The following MCOLN1 variants were observed in gnomAD, a reference collection of about 807,000 sequenced individuals.
The protein encoded by MCOLN1 is mucolipin-1.
Under a neutral mutation model 70.3 loss-of-function variants are expected in MCOLN1, and 50 were observed. That is an observed-to-expected ratio of 0.71 (90% CI 0.57 to 0.90). MCOLN1 has a LOEUF of 0.90. MCOLN1 is among the 40% of genes least tolerant of loss of function. The pLI, the probability that MCOLN1 is intolerant of heterozygous loss-of-function variation, is 0.00. For missense variants in MCOLN1, 598 were observed against 803.5 expected (o/e 0.74, Z 3.09); for synonymous variants, 366 against 341.0 (o/e 1.07, Z -0.81).
rs73488492 is a variant in MCOLN1 at position 7,526,619 on chromosome 19, G to A, written c.405+13G>A. The A allele has an allele frequency of 0.015, 24,194 of 1,610,600 alleles. 359 individuals carry two copies. Among genetic ancestry groups the A allele is most frequent in the East Asian group, 0.031 (1,396 of 44,844 alleles). ...TGCTGTGGACCAGGTGCTGGTGGGC[G>A]GGCAGGTGCTGGTGGGCAGGCAGGT... On this transcript the variant is annotated intron_variant, in intron 3 of 13. Transcript: ENST00000264079. This position sits in a 1 kb window ranked among gnomAD's most constrained non-coding sequence, Gnocchi z 4.6.
Position 7,527,551 on chromosome 19 carries a change from C to T in MCOLN1, c.603C>T (p.Pro201=), listed in dbSNP as rs2146023479. The change falls in exon 5 of 14, where the codon CCC becomes CCT. Residue 201 remains proline (P), a synonymous_variant. Coordinates refer to ENST00000264079, the MANE Select transcript of MCOLN1 (RefSeq NM_020533.3). ...TCCAGGTGGATCCCCCCGAGCGGCC[C>T]CCTCCGCCCCCCAGCGACGATCTCA... is the stretch of plus-strand genomic sequence containing the variant. ...DCIQVDPPER[P]PPPPSDDLTL... The T allele has an allele frequency of 6.2e-7, 1 of 1,606,302 alleles. No individual in the cohort carries two copies. Among genetic ancestry groups the T allele is most frequent in the Non-Finnish European group, 8.5e-7 (1 of 1,172,780 alleles).
At chr19:7,532,663 C>T (rs776547389) in intron 12 of MCOLN1, among the ~76,000 whole-genome samples, 9 of 152,048 alleles carry the variant, frequency 5.9e-5, no homozygotes, top group Non-Finnish European at 1.2e-4. Flanking sequence ...TGCAGTGAGC[C>T]GAGATCAAGC....
rs894157202 is a variant in MCOLN1, at chr19:7,528,802, C to T, written c.985-19C>T. 1 of 1,614,176 alleles carries T rather than the reference C, an allele frequency of 6.2e-7. No homozygotes were observed. The highest frequency in any genetic ancestry group is 2.2e-5 in the East Asian group (1 of 44,886). ...GGTCCTGTGCCTGGTCAGGCCCTCA[C>T]CCCGCCTGCCTTCTGCAGGAGTTTG... On this transcript the variant is annotated intron_variant, in intron 8 of 13. Transcript: ENST00000264079. The surrounding 1 kb of genome is among the most constrained non-coding windows in gnomAD (Gnocchi z 4.2).
At chr19:7,527,791 C>T in intron 5 of MCOLN1, 73 bp from the exon 6 acceptor site, 1 of 1,300,132 alleles carries the variant, frequency 7.7e-7, no homozygotes, top group Non-Finnish European at 1.1e-6. Context: ...CAGCACGTGG[C>T]AGGGGACGCT....
Position 7,533,952 on chromosome 19 carries a change from G to C in MCOLN1, c.*157G>C. Reference sequence around the variant, plus strand: ...CGTGTCGGACCCTTGGGGGCGGGGAGACTGGGTGGGGAGGGTGTTGAATAA... The same window carrying C: ...CGTGTCGGACCCTTGGGGGCGGGGACACTGGGTGGGGAGGGTGTTGAATAA... On this transcript the variant is annotated 3_prime_UTR_variant, in exon 14 of 14. Transcript: ENST00000264079. The C allele has an allele frequency of 1.3e-6, 1 of 799,556 alleles. No homozygotes were observed. The highest frequency in any genetic ancestry group is 2.1e-6 in the Non-Finnish European group (1 of 474,756). 49.5% of individuals were successfully genotyped at this position (799,556 alleles called of 1,614,324 possible). A position where few individuals can be genotyped will look rare whatever the true frequency, so the allele number is the denominator to read the frequency against.
chr19:7,529,810 C>T (rs1258528729), intron 11 of MCOLN1, 98 bp downstream of exon 11: 8 of 1,432,500 alleles, frequency 5.6e-6, no homozygotes, highest in East Asian at 4.6e-5. Context: ...GGGAGTCTGT[C>T]CACTGTCCCC....
chr19:7,533,728 G>A, intron 13 of MCOLN1, 31 bp from the exon 14 acceptor site: 1 of 1,614,194 alleles, frequency 6.2e-7, no homozygotes, highest in Non-Finnish European at 8.5e-7. Context: ...AGAGAAAACT[G>A]ACGCCCCTCT....
At position 7,528,507 on chromosome 19, in the gene MCOLN1, C is replaced by A; in HGVS notation, c.878-90C>A. 6.4e-7 allele frequency: 1 copy of A among 1,550,854 alleles called. No homozygotes were observed. Among genetic ancestry groups the A allele is most frequent in the Non-Finnish European group, 8.8e-7 (1 of 1,135,652 alleles). On this transcript the variant is annotated intron_variant, in intron 7 of 13. Transcript: ENST00000264079. The surrounding 1 kb of genome is among the most constrained non-coding windows in gnomAD (Gnocchi z 4.2). Reference sequence around the variant, plus strand: ...GACCAACCAAAACCAGCCGTGCAGCCCCCTAGGTCTCCAGCCTGGCCTGGC... The same window carrying A: ...GACCAACCAAAACCAGCCGTGCAGCACCCTAGGTCTCCAGCCTGGCCTGGC...
At position 7,528,672 on chromosome 19, in the gene MCOLN1, G is replaced by A. The variant is rs765405116; in HGVS notation, c.953G>A (p.Arg318His). ...TCSLSFLLCA[R>H]SLLRGFLLQN... ...TCCCTGTCCTTCCTCCTCTGCGCCC[G>A]CTCACTCCTTCGAGGCTTCCTGCTG... is the stretch of plus-strand genomic sequence containing the variant. Residue 318 changes from arginine to histidine, a missense_variant, in exon 8 of 14, where the codon CGC (arginine) becomes CAC (histidine). Physicochemically the swap from Arg to His is conservative, Grantham distance 29. This residue lies in a region of MCOLN1 where 461 missense variants were observed against 588.4 expected (regional missense o/e 0.78). Transcript: ENST00000264079. The surrounding 1 kb of genome is among the most constrained non-coding windows in gnomAD (Gnocchi z 4.2). 3 of 1,614,184 alleles carry A rather than the reference G, an allele frequency of 1.9e-6. No individual in the cohort carries two copies. The highest frequency in any genetic ancestry group is 2.5e-6 in the Non-Finnish European group (3 of 1,180,016).
Position 7,530,383 on chromosome 19 carries a change from G to A in MCOLN1, c.1457G>A (p.Arg486His), listed in dbSNP as rs548106839. 29 of 1,613,840 alleles carry A rather than the reference G, an allele frequency of 1.8e-5. No homozygotes were observed. In the African/African-American group the frequency reaches 1.9e-4, roughly 10 times the overall value. ...TFAAMQAQQGRSSLVWLFSQL... is the reference protein window; with the variant it reads ...TFAAMQAQQGHSSLVWLFSQL... ...GCCGCCATGCAGGCGCAGCAGGGCC[G>A]CAGCAGCCTGGTGTGGCTCTTCTCC... Residue 486 changes from arginine (R) to histidine (H), a missense_variant, in exon 12 of 14, where the codon CGC becomes CAC. Coordinates refer to ENST00000264079, the MANE Select transcript of MCOLN1 (RefSeq NM_020533.3).
Position 7,526,106 on chromosome 19 carries a change from A to G in MCOLN1, c.238-333A>G, listed in dbSNP as rs1010649304. 2.5e-6 allele frequency: 1 copy of G among 404,580 alleles called. No individual in the cohort carries two copies. Among genetic ancestry groups the G allele is most frequent in the Non-Finnish European group, 4.7e-6 (1 of 214,298 alleles). 25.1% of individuals were successfully genotyped at this position (404,580 alleles called of 1,614,324 possible). A position where few individuals can be genotyped will look rare whatever the true frequency, so the allele number is the denominator to read the frequency against. On this transcript the variant is annotated intron_variant, in intron 2 of 13. Transcript: ENST00000264079. This position sits in a 1 kb window ranked among gnomAD's most constrained non-coding sequence, Gnocchi z 4.6. ...ACCCAGTCATGGTACTTACCCTGAAAGTTTGGGTTTAACACAGAATCGGAC... is the reference window on the plus strand; with the variant it reads ...ACCCAGTCATGGTACTTACCCTGAAGGTTTGGGTTTAACACAGAATCGGAC...
intron 9 of MCOLN1, 62 bp from the exon 10 acceptor site, chr19:7,529,039 C>T: frequency 6.2e-7 from 1 of 1,613,240 alleles, no homozygotes; most frequent in Non-Finnish European, 8.5e-7. Context: ...GGGCCATATC[C>T]TCCCCCAGGC....
rs773993490 is a variant in MCOLN1, at chr19:7,528,661, C to T, written c.942C>T (p.Leu314=). 1.2e-6 allele frequency: 2 copies of T among 1,614,120 alleles called. No homozygotes were observed. The highest frequency in any genetic ancestry group is 2.7e-5 in the African/African-American group (2 of 74,948). ...VVILTCSLSF[L]LCARSLLRGF... is the part of the protein sequence containing the mutation. ...TCCTCACCTGCTCCCTGTCCTTCCT[C>T]CTCTGCGCCCGCTCACTCCTTCGAG... The change falls in exon 8 of 14, where the codon CTC becomes CTT. Residue 314 remains leucine (L), a synonymous_variant. Coordinates refer to ENST00000264079, the MANE Select transcript of MCOLN1 (RefSeq NM_020533.3). The surrounding 1 kb of genome is among the most constrained non-coding windows in gnomAD (Gnocchi z 4.2).
intron 10 of MCOLN1, 80 bp from the exon 11 acceptor site, chr19:7,529,510 C>CCCCCCCCCCCCAAAGGGGGG: frequency 1.1e-6 from 1 of 912,890 alleles, no homozygotes; most frequent in Non-Finnish European, 1.7e-6. Flanking sequence ...GGCCCCGCCC[C>CCCCCCCCCCCCAAAGGGGGG]TCCCACCCCC....
chr19:7,527,748 C>T lies in MCOLN1; in HGVS notation c.681-116C>T, dbSNP rs762026218. 1.3e-5 allele frequency: 14 copies of T among 1,106,182 alleles called. No individual in the cohort carries two copies. In the South Asian group the frequency reaches 1.4e-4, roughly 11 times the overall value. The allele number at this position is 1,106,182 out of a possible 1,614,324, so 68.5% of individuals were successfully genotyped here. ...GCCCCCCCGCCCGCGCTGGTGCCTG[C>T]TGGGTGAGCACTTCCCCTGCCAGCT... On this transcript the variant is annotated intron_variant, in intron 5 of 13. Coordinates refer to ENST00000264079, the MANE Select transcript of MCOLN1 (RefSeq NM_020533.3).
rs1222696359 is a variant in MCOLN1 at position 7,526,584 on chromosome 19, C to T, written c.383C>T (p.Ala128Val). The change falls in exon 3 of 14, where the codon GCC becomes GTC. Residue 128 changes from alanine (A) to valine (V), a missense_variant. This residue lies in a region of MCOLN1 where 461 missense variants were observed against 588.4 expected (regional missense o/e 0.78). Coordinates refer to ENST00000264079, the MANE Select transcript of MCOLN1 (RefSeq NM_020533.3). This position sits in a 1 kb window ranked among gnomAD's most constrained non-coding sequence, Gnocchi z 4.6. ...TACACGCGGGAGCAGCTGTACCAGGCCATCTTCCATGCTGTGGACCAGGTG... is the reference window on the plus strand; with the variant it reads ...TACACGCGGGAGCAGCTGTACCAGGTCATCTTCCATGCTGTGGACCAGGTG... Reference protein sequence around the residue: ...AAYTREQLYQAIFHAVDQYLA... With the variant: ...AAYTREQLYQVIFHAVDQYLA... 6.2e-7 allele frequency: 1 copy of T among 1,613,586 alleles called. No individual in the cohort carries two copies. Among genetic ancestry groups the T allele is most frequent in the South Asian group, 1.1e-5 (1 of 91,080 alleles).
Position 7,522,805 on chromosome 19 carries a change from G to A in MCOLN1, c.31+24G>A, listed in dbSNP as rs1004919755. Reference sequence around the variant, plus strand: ...AGGTGAGGGCGCGGGCGGCACCGTGGGGCCCCGAACTCAGGCGGGCGGGCT... The same window carrying A: ...AGGTGAGGGCGCGGGCGGCACCGTGAGGCCCCGAACTCAGGCGGGCGGGCT... On this transcript the variant is annotated intron_variant, in intron 1 of 13. Coordinates refer to ENST00000264079, the MANE Select transcript of MCOLN1 (RefSeq NM_020533.3). 24 of 1,324,754 alleles carry A rather than the reference G, an allele frequency of 1.8e-5. No homozygotes were observed. In the African/African-American group the frequency reaches 2.8e-4, roughly 15 times the overall value. The allele number at this position is 1,324,754 out of a possible 1,614,324, so 82.1% of individuals were successfully genotyped here. A position where few individuals can be genotyped will look rare whatever the true frequency, so the allele number is the denominator to read the frequency against.
At chr19:7,527,371 G>T in intron 4 of MCOLN1, 149 bp from the exon 5 acceptor site, 1 of 678,814 alleles carries the variant, frequency 1.5e-6, no homozygotes, top group Non-Finnish European at 2.7e-6. Flanking sequence ...GGCTCATTCA[G>T]TAAAACATCC....
At chr19:7,529,785 C>T in intron 11 of MCOLN1, 73 bp downstream of exon 11, 1 of 1,569,922 alleles carries the variant, frequency 6.4e-7, no homozygotes, top group Non-Finnish European at 8.8e-7. Context: ...CCCAGATGAC[C>T]CCTTGGTGAC....
Sources: gnomAD v4.1 joint callset for allele counts (sites outside exome capture counted in the v4.1 genomes callset) on GRCh38, gnomAD v4.1.1 for gene constraint, gnomAD v4.1.1 regional missense constraint, Gnocchi (gnomAD v3.1) non-coding constraint, MANE v1.5 for transcripts, NCBI Gene and HGNC (gene_info 2026-07-23, HGNC 2026-07-21) for gene names.